Variants in ODAD2 observed in about 807,000 individuals in gnomAD.
ODAD2 encodes outer dynein arm-docking complex subunit 2.
Under a neutral mutation model 106.8 loss-of-function variants are expected in ODAD2, and 89 were observed. The ratio of observed to expected loss-of-function variants is 0.83; its 90% CI spans 0.70 to 0.99. The LOEUF (loss-of-function observed/expected upper bound fraction) is 0.99, where lower values mean the gene tolerates loss of function less well. Ranked by LOEUF, ODAD2 falls within the 50% of genes least tolerant of loss-of-function variation. The probability of loss-of-function intolerance (pLI) is 0.00; values close to 1 mark genes in which losing one functional copy is unlikely to be tolerated. For synonymous variants in ODAD2, 404 were observed against 436.2 expected (o/e 0.93, Z 0.92); for missense variants, 1,168 against 1,238.5 (o/e 0.94, Z 0.85).
intron 17 of ODAD2, 29 bp downstream of exon 17, chr10:27,907,634 G>T: frequency 6.7e-7 from 1 of 1,497,092 alleles, no homozygotes; most frequent in South Asian, 1.1e-5. Context: ...AGAGATTCTA[G>T]AAGAGACTGA....
chr10:27,981,417 G>C (rs1334312538), intron 7 of ODAD2, 49 bp downstream of exon 7: 2 of 1,419,348 alleles, frequency 1.4e-6, no homozygotes, highest in Admixed American at 2.9e-5. Flanking sequence ...GAAAGTTGTA[G>C]TTTAGTAACA....
intron 2 of ODAD2, among the ~76,000 whole-genome samples, chr10:27,993,950 A>G (rs1850382568): frequency 6.9e-6 from 1 of 144,148 alleles, no homozygotes; most frequent in African/African-American, 2.6e-5. Context: ...AAATAAACTG[A>G]GGCTGGCAAA....
intron 17 of ODAD2, among the ~76,000 whole-genome samples, chr10:27,895,361 T>A (rs1222295155): frequency 6.6e-6 from 1 of 152,230 alleles, no homozygotes; most frequent in Non-Finnish European, 1.5e-5. Context: ...TGGAGCAATC[T>A]TTGCTCACTA....
intron 19 of ODAD2, among the ~76,000 whole-genome samples, chr10:27,819,038 G>T (rs1307505475): frequency 6.6e-6 from 1 of 152,168 alleles, no homozygotes; most frequent in African/African-American, 2.4e-5. Context: ...CTGCAAAGAT[G>T]AATTAAACAT....
rs772461494 is a variant in ODAD2, at chr10:27,946,208, T to C, written c.1387-1246A>G. Among the ~76,000 whole-genome samples the C allele has an allele frequency of 5.9e-4, 88 of 148,248 alleles. 1 individual carries two copies. Among genetic ancestry groups the C allele is most frequent in the Admixed American group, 2.4e-3 (35 of 14,806 alleles). ...GTTTAAATATATTACATATAATATA[T>C]AAATATAAAAAATACCAATATAAAA... On this transcript the variant is annotated intron_variant, in intron 10 of 19. Transcript: ENST00000305242.
chr10:27,988,380 G>A (rs568228695), intron 2 of ODAD2, among the ~76,000 whole-genome samples: 16 of 145,764 alleles, frequency 1.1e-4, no homozygotes, highest in East Asian at 4.1e-4. Context: ...CTCTGTCACC[G>A]GGATTGGAGT....
chr10:27,900,625 T>C (rs1843133639), intron 17 of ODAD2, among the ~76,000 whole-genome samples: 1 of 152,086 alleles, frequency 6.6e-6, no homozygotes. Context: ...AGAAATGACC[T>C]GATGGAGCTG....
At chr10:27,850,987 G>T (rs908642358) in intron 19 of ODAD2, among the ~76,000 whole-genome samples, 6 of 152,210 alleles carry the variant, frequency 3.9e-5, no homozygotes, top group Non-Finnish European at 5.9e-5. Flanking sequence ...AGATAATGGA[G>T]ATTGGGGAGT....
At chr10:27,923,943 A>G (rs1194916112) in intron 16 of ODAD2, among the ~76,000 whole-genome samples, 1 of 137,606 alleles carries the variant, frequency 7.3e-6, no homozygotes, top group Non-Finnish European at 1.5e-5. Context: ...GACCCTGTCT[A>G]ATGAAAGAAA....
At chr10:27,968,873 AC>A (rs2132950066) in intron 9 of ODAD2, 49 bp downstream of exon 9, 1 of 525,846 alleles carries the variant, frequency 1.9e-6, no homozygotes, top group Admixed American at 3.4e-5. Context: ...TCAGTAGCCC[AC>A]TGCGTGAGGG....
intron 19 of ODAD2, among the ~76,000 whole-genome samples, chr10:27,848,890 A>C (rs1839017288): frequency 6.6e-6 from 1 of 152,250 alleles, no homozygotes; most frequent in African/African-American, 2.4e-5. Context: ...ATCATTAAAA[A>C]GTCAGGAAAC....
chr10:27,826,533 G>C (rs1339064862), intron 19 of ODAD2, among the ~76,000 whole-genome samples: 1 of 151,972 alleles, frequency 6.6e-6, no homozygotes, highest in Non-Finnish European at 1.5e-5. Context: ...GGGGAAAATA[G>C]AAATCACGAA....
chr10:27,975,079 C>G (rs1369082227), intron 7 of ODAD2, among the ~76,000 whole-genome samples: 1 of 152,046 alleles, frequency 6.6e-6, no homozygotes, highest in African/African-American at 2.4e-5. Context: ...GATTTTTGTA[C>G]GTTGATACAT....
Position 27,985,049 on chromosome 10 carries a change from A to G in ODAD2, c.545T>C (p.Leu182Pro). ...AATATGTTTTAGAGAATGATTGAGG[A>G]GGTGCAGATCCAATTGCTTAAGCAG... ...AMLLKQLDLHLLNHSLKHISL... is the reference protein window; with the variant it reads ...AMLLKQLDLHPLNHSLKHISL... Residue 182 changes from leucine to proline, a missense_variant, in exon 4 of 20, where the codon CTC (leucine) becomes CCC (proline). This residue lies in a region of ODAD2 where 430 missense variants were observed against 452.2 expected (regional missense o/e 0.95). Coordinates refer to ENST00000305242, the MANE Select transcript of ODAD2 (RefSeq NM_018076.5). 6.2e-7 allele frequency: 1 copy of G among 1,609,124 alleles called. No individual in the cohort carries two copies.
intron 9 of ODAD2, among the ~76,000 whole-genome samples, chr10:27,963,695 C>T (rs898083056): frequency 4.6e-5 from 7 of 152,040 alleles, no homozygotes; most frequent in Non-Finnish European, 7.3e-5. Flanking sequence ...TCATGTTTCA[C>T]TACAGAAATG....
At chr10:27,901,345 G>A (rs1843185188) in intron 17 of ODAD2, among the ~76,000 whole-genome samples, 1 of 152,142 alleles carries the variant, frequency 6.6e-6, no homozygotes, top group South Asian at 2.1e-4. Flanking sequence ...ACCGGGACCA[G>A]CCACTGCAAA....
chr10:27,860,667 G>A lies in ODAD2; in HGVS notation c.2979C>T (p.Asp993=), dbSNP rs74555138. The change falls in exon 19 of 20, where the codon GAC becomes GAT. Residue 993 remains aspartate, a synonymous_variant. Transcript: ENST00000305242. ...CATGCATGGTGATGCAGTTATCGGC[G>A]TCTTCTGAGAGTTGGTACAAGGCCT... is the stretch of plus-strand genomic sequence containing the variant. ...TAQALYQLSE[D]ADNCITMHEN... The A allele has an allele frequency of 2.5e-3, 4,005 of 1,614,028 alleles. 79 individuals carry two copies. The African/African-American group carries it at 0.044, about 18-fold the overall frequency.
rs1296146134 is a variant in ODAD2, at chr10:27,961,670, T to G, written c.1284A>C (p.Ser428=). 5 of 1,608,698 alleles carry G rather than the reference T, an allele frequency of 3.1e-6. No homozygotes were observed. Reference sequence around the variant, plus strand: ...GTGGTTCTTCATCTTCCTCACTTTCTGAGGAGCTATCGCTAACAGTTTCCT... The same window carrying G: ...GTGGTTCTTCATCTTCCTCACTTTCGGAGGAGCTATCGCTAACAGTTTCCT... ...KIEETVSDSS[S]ESEEDEEPPD... is the part of the protein sequence containing the mutation. Residue 428 remains serine (S), a synonymous_variant, in exon 10 of 20, where the codon TCA becomes TCC. Transcript: ENST00000305242.
intron 7 of ODAD2, among the ~76,000 whole-genome samples, chr10:27,978,326 T>G (rs1331001472): frequency 1.3e-5 from 2 of 152,220 alleles, no homozygotes; most frequent in East Asian, 3.8e-4. Flanking sequence ...AAACAGTTTA[T>G]GTGGAAACAT....
Sources: gnomAD v4.1 joint callset for allele counts (sites outside exome capture counted in the v4.1 genomes callset) on GRCh38, gnomAD v4.1.1 for gene constraint, gnomAD v4.1.1 regional missense constraint, MANE v1.5 for transcripts, NCBI Gene and HGNC (gene_info 2026-07-23, HGNC 2026-07-21) for gene names.